Variants in ZZEF1 observed in about 807,000 individuals in gnomAD.
ZZEF1 encodes the protein zinc finger ZZ-type and EF-hand domain containing 1, also known as zinc finger ZZ-type and EF-hand domain-containing protein 1.
A neutral mutation model predicts 342.8 loss-of-function variants in ZZEF1; 157 were observed. The observed-to-expected ratio is 0.46, with a 90% confidence interval of 0.40 to 0.52. ZZEF1 has a LOEUF of 0.52. Among genes scored for constraint, ZZEF1 ranks in the 20% least tolerant of loss-of-function variants. ZZEF1 has a pLI of 0.00. For synonymous variants in ZZEF1, 1,505 were observed against 1,429.1 expected (o/e 1.05, Z -1.20); for missense variants, 3,480 against 3,725.6 (o/e 0.93, Z 1.72).
In ZZEF1 at chr17:4,017,051, G is replaced by A. The variant is rs1408871243; in HGVS notation, c.8001+320C>T. 2 of 292,932 alleles carry A rather than the reference G, an allele frequency of 6.8e-6. No homozygotes were observed. The highest frequency in any genetic ancestry group is 1.3e-5 in the Non-Finnish European group (2 of 152,272). 18.1% of individuals were successfully genotyped at this position (292,932 alleles called of 1,614,324 possible). A position where few individuals can be genotyped will look rare whatever the true frequency, so the allele number is the denominator to read the frequency against. ...CCAAATGAACTTCCTCATGGACTGC[G>A]TGTGTGTGTGTGAAGGTGGGTGAGG... is the stretch of plus-strand genomic sequence containing the variant. On this transcript the variant is annotated intron_variant, in intron 48 of 54. Coordinates refer to ENST00000381638, the MANE Select transcript of ZZEF1 (RefSeq NM_015113.4). This position sits in a 1 kb window ranked among gnomAD's most constrained non-coding sequence, Gnocchi z 5.1.
rs757200817 is a variant in ZZEF1 at position 4,087,549 on chromosome 17, A to G, written c.2242-15T>C. ...TTCTGCTGCACCTAAAAAATTATAAAGATCAGAATAAATAAAACTGAAAAA... is the reference window on the plus strand; with the variant it reads ...TTCTGCTGCACCTAAAAAATTATAAGGATCAGAATAAATAAAACTGAAAAA... On this transcript the variant is annotated splice_polypyrimidine_tract_variant and intron_variant, in intron 13 of 54. Transcript: ENST00000381638. 3.8e-5 allele frequency: 60 copies of G among 1,588,768 alleles called. No individual in the cohort carries two copies. In the Middle Eastern group the frequency reaches 6.7e-4, roughly 18 times the overall value.
intron 46 of ZZEF1, among the ~76,000 whole-genome samples, chr17:4,019,128 A>G (rs11868330): frequency 0.12 from 18,488 of 152,068 alleles, 1,206 homozygotes; most frequent in African/African-American, 0.15. Context: ...TAAGAAACTA[A>G]TAAAAGAGAA....
intron 40 of ZZEF1, chr17:4,033,331 G>C: frequency 4.6e-6 from 1 of 219,314 alleles, no homozygotes; most frequent in Non-Finnish European, 9.0e-6. Context: ...AAGTCAGGGT[G>C]ACTTTTTTCC....
rs777179630 is a variant in ZZEF1, at chr17:4,008,458, T to C, written c.8805+425A>G. On this transcript the variant is annotated intron_variant, in intron 54 of 54. Transcript: ENST00000381638. This position sits in a 1 kb window ranked among gnomAD's most constrained non-coding sequence, Gnocchi z 4.2. ...ATGGCACATATGGATATATGCATAA[T>C]AGACATATCCAAAAGCTTTCTGAGC... 9.2e-5 allele frequency: 81 copies of C among 884,004 alleles called. No homozygotes were observed. Among genetic ancestry groups the C allele is most frequent in the East Asian group, 2.3e-4 (2 of 8,722 alleles). The allele number at this position is 884,004 out of a possible 1,614,324, so 54.8% of individuals were successfully genotyped here.
intron 2 of ZZEF1, among the ~76,000 whole-genome samples, chr17:4,120,228 G>A (rs956707491): frequency 3.3e-5 from 5 of 152,042 alleles, no homozygotes; most frequent in African/African-American, 1.2e-4. Flanking sequence ...GCGGTGGCGG[G>A]TGCCTGTAAT....
chr17:4,104,638 T>G lies in ZZEF1; in HGVS notation c.1568A>C (p.Lys523Thr). 1.2e-6 allele frequency: 2 copies of G among 1,613,626 alleles called. No individual in the cohort carries two copies. The highest frequency in any genetic ancestry group is 1.7e-6 in the Non-Finnish European group (2 of 1,179,872). ...MASVRQNLLL[K>T]YGKPLQLTLQ... ...CCATGTTTTACCATATTTACCATAT[T>G]TGAGGAGCAGGTTCTGTCTGACTGA... The change falls in exon 8 of 55, where the codon AAA (lysine) becomes ACA (threonine). Residue 523 changes from lysine to threonine, a missense_variant. This residue lies in a region of ZZEF1 where 1,528 missense variants were observed against 1,624.1 expected (regional missense o/e 0.94). Transcript: ENST00000381638.
At position 4,076,954 on chromosome 17, in the gene ZZEF1, A is replaced by G; in HGVS notation, c.3025T>C (p.Leu1009=). 1.2e-6 allele frequency: 2 copies of G among 1,614,102 alleles called. No homozygotes were observed. Among genetic ancestry groups the G allele is most frequent in the Non-Finnish European group, 1.7e-6 (2 of 1,179,980 alleles). The change falls in exon 20 of 55, where the codon TTG becomes CTG. Residue 1009 remains leucine (L), a synonymous_variant. Transcript: ENST00000381638. The part of the protein sequence containing the change: ...GQFLASMRAI[L]ESLFSQYSGK... ...CTGTACTGTGAGAAAAGGGATTCCA[A>G]AATCGCTCTCATGCTTGCCAGAAAC... is the stretch of plus-strand genomic sequence containing the variant.
chr17:4,039,194 G>A (rs2056743137), intron 39 of ZZEF1, among the ~76,000 whole-genome samples: 2 of 152,236 alleles, frequency 1.3e-5, no homozygotes, highest in Admixed American at 6.5e-5. Flanking sequence ...CTGGCCAGGC[G>A]CAGTGGCTCA....
chr17:4,113,427 C>T (rs12942513), intron 4 of ZZEF1, among the ~76,000 whole-genome samples: 2 of 152,108 alleles, frequency 1.3e-5, no homozygotes, highest in African/African-American at 2.4e-5. Context: ...CGGTGGCTCA[C>T]GCCTGTAATC....
chr17:4,056,890 T>C (rs982458637), intron 32 of ZZEF1: 3 of 152,166 alleles, frequency 2.0e-5, no homozygotes, highest in Non-Finnish European at 4.4e-5. Context: ...TCATTTCAAA[T>C]AAAGCGCTTC....
Position 4,064,394 on chromosome 17 carries a change from T to C in ZZEF1, c.4685A>G (p.Asp1562Gly), listed in dbSNP as rs774600193. ...CGAGAGCGACTGATCCTTAATGAAG[T>C]CCATGACGTCCTTCAGCACAGGGTA... ...EKYPVLKDVMDFIKDQSLSHR... is the reference protein window; with the variant it reads ...EKYPVLKDVMGFIKDQSLSHR... The change falls in exon 29 of 55, where the codon GAC (aspartate) becomes GGC (glycine). Residue 1562 changes from aspartate to glycine, a missense_variant. By Grantham distance (94) the Asp-to-Gly change is moderately conservative (BLOSUM62 -1). This residue lies in a region of ZZEF1 where 1,528 missense variants were observed against 1,624.1 expected (regional missense o/e 0.94). Coordinates refer to ENST00000381638, the MANE Select transcript of ZZEF1 (RefSeq NM_015113.4). 1.9e-6 allele frequency: 3 copies of C among 1,605,262 alleles called. No homozygotes were observed. The South Asian group carries it at 3.3e-5, about 18-fold the overall frequency.
intron 42 of ZZEF1, 123 bp from the exon 43 acceptor site, chr17:4,025,241 G>C: frequency 3.1e-6 from 3 of 965,546 alleles, no homozygotes; most frequent in Non-Finnish European, 4.6e-6. Context: ...AAATCTCTCG[G>C]GCTCAGTCTT....
chr17:4,128,301 T>C (rs2058605527), intron 1 of ZZEF1, among the ~76,000 whole-genome samples: 1 of 129,458 alleles, frequency 7.7e-6, no homozygotes, highest in Non-Finnish European at 1.5e-5. Flanking sequence ...TGAGCTGAGA[T>C]GGCGCCACCG....
At chr17:4,083,122 C>A (rs2057754876) in intron 16 of ZZEF1, among the ~76,000 whole-genome samples, 1 of 152,202 alleles carries the variant, frequency 6.6e-6, no homozygotes, top group African/African-American at 2.4e-5. Flanking sequence ...AGAGCAATCA[C>A]AGCTCTTAAG....
At chr17:4,041,992 G>T (rs1385955586) in intron 39 of ZZEF1, among the ~76,000 whole-genome samples, 2 of 152,096 alleles carry the variant, frequency 1.3e-5, no homozygotes, top group Non-Finnish European at 2.9e-5. Context: ...GCATAATAAT[G>T]ACATTGTGGT....
intron 1 of ZZEF1, among the ~76,000 whole-genome samples, chr17:4,132,748 C>G (rs1194830751): frequency 9.9e-6 from 1 of 101,400 alleles, no homozygotes; most frequent in African/African-American, 2.7e-5. Flanking sequence ...GGGTGGATCA[C>G]GAAGTCAGGA....
At chr17:4,011,982 G>GA (rs1445010004) in intron 52 of ZZEF1, among the ~76,000 whole-genome samples, 1 of 152,242 alleles carries the variant, frequency 6.6e-6, no homozygotes, top group African/African-American at 2.4e-5. Context: ...GAGCACGCAT[G>GA]AAAGAGGCTA....
chr17:4,058,258 G>A, intron 31 of ZZEF1, 103 bp from the exon 32 acceptor site: 2 of 1,265,006 alleles, frequency 1.6e-6, no homozygotes, highest in Non-Finnish European at 2.2e-6. Flanking sequence ...AAAGCAGAAG[G>A]GAACTTCACA....
intron 6 of ZZEF1, among the ~76,000 whole-genome samples, chr17:4,108,292 T>C: frequency 6.6e-6 from 1 of 152,186 alleles, no homozygotes. Context: ...TTCTATGATA[T>C]TCCTGCTAGA....
Sources: gnomAD v4.1 joint callset for allele counts (sites outside exome capture counted in the v4.1 genomes callset) on GRCh38, gnomAD v4.1.1 for gene constraint, gnomAD v4.1.1 regional missense constraint, Gnocchi (gnomAD v3.1) non-coding constraint, MANE v1.5 for transcripts, NCBI Gene and HGNC (gene_info 2026-07-23, HGNC 2026-07-21) for gene names.